Variants in LIN9 observed in about 807,000 individuals in gnomAD.
The protein encoded by LIN9 is lin-9 DREAM MuvB core complex component, also known as protein lin-9 homolog.
In LIN9, 18 loss-of-function variants were observed where a neutral mutation model predicts 78.0. The ratio of observed to expected loss-of-function variants is 0.23; its 90% CI spans 0.16 to 0.34. LIN9 has a LOEUF of 0.34. Ranked by LOEUF, LIN9 falls within the 10% of genes least tolerant of loss-of-function variation. LIN9 has a pLI of 1.00. For synonymous variants in LIN9, 192 were observed against 215.2 expected (o/e 0.89, Z 0.94); for missense variants, 451 against 644.1 (o/e 0.70, Z 3.25).
chr1:226,277,688 G>A (rs1660755908), intron 7 of LIN9, 87 bp downstream of exon 7: 1 of 1,184,482 alleles, frequency 8.4e-7, no homozygotes, highest in Non-Finnish European at 1.2e-6. Flanking sequence ...AATTAAAAAT[G>A]AAATAAAATA....
At chr1:226,249,218 G>A (rs1299527661) in intron 11 of LIN9, among the ~76,000 whole-genome samples, 6 of 152,092 alleles carry the variant, frequency 3.9e-5, no homozygotes, top group South Asian at 2.1e-4. Context: ...AAAAGGCATC[G>A]AATATAAAGG....
rs1558164422 is a variant in LIN9 at position 226,252,318 on chromosome 1, A to AATG, written c.1039-1400_1039-1399insCAT. The stretch of plus-strand genomic sequence containing the variant: ...TAAATAAATAAATAAATAAATAAAT[A>AATG]AATGAATGAATGAATGAATGTCTCC... On this transcript the variant is annotated intron_variant, in intron 10 of 14. Transcript: ENST00000681046. Among the ~76,000 whole-genome samples the AATG allele has an allele frequency of 7.9e-3, 1,077 of 135,934 alleles. 12 individuals are homozygous for AATG. The highest frequency in any genetic ancestry group is 0.019 in the African/African-American group (672 of 35,330). The allele number at this position is 135,934 out of a possible 152,430, so 89.2% of individuals were successfully genotyped here. A position where few individuals can be genotyped will look rare whatever the true frequency, so the allele number is the denominator to read the frequency against.
At chr1:226,272,429 G>C (rs1660343606) in intron 7 of LIN9, among the ~76,000 whole-genome samples, 1 of 150,508 alleles carries the variant, frequency 6.6e-6, no homozygotes, top group Non-Finnish European at 1.5e-5. Context: ...ACCCAAACTG[G>C]AGTGCAGTGG....
intron 4 of LIN9, among the ~76,000 whole-genome samples, chr1:226,289,032 CT>C: frequency 6.6e-6 from 1 of 152,164 alleles, no homozygotes; most frequent in East Asian, 1.9e-4. Context: ...AGGTCAGGAG[CT>C]CCAGACAGCC....
rs754927514 is a variant in LIN9 at position 226,256,552 on chromosome 1, A to AAT, written c.1039-5635_1039-5634dup. On this transcript the variant is annotated intron_variant, in intron 10 of 14. Coordinates refer to ENST00000681046, the MANE Select transcript of LIN9 (RefSeq NM_001366245.2). ...TATCTCTACAATAATAAATAAAATA[A>AAT]ATATATATATATATATATTTTTTTG... Among the ~76,000 whole-genome samples, 697 of 146,790 alleles carry AAT rather than the reference A, an allele frequency of 4.7e-3. 4 individuals are homozygous for AAT. The highest frequency in any genetic ancestry group is 0.035 in the East Asian group (165 of 4,734).
intron 10 of LIN9, among the ~76,000 whole-genome samples, chr1:226,251,182 T>C (rs1658811758): frequency 6.6e-6 from 1 of 151,552 alleles, no homozygotes; most frequent in Admixed American, 6.6e-5. Flanking sequence ...GCCTCCCGAG[T>C]AGCAGGGATT....
chr1:226,256,868 A>AT (rs906697597), intron 10 of LIN9, among the ~76,000 whole-genome samples: 6 of 151,946 alleles, frequency 3.9e-5, no homozygotes, highest in South Asian at 4.2e-4. Flanking sequence ...ATAAAATAAA[A>AT]TTTTTTTTAA....
Position 226,232,295 on chromosome 1 carries a change from C to A in LIN9, c.*206G>T, listed in dbSNP as rs990299060. The A allele has an allele frequency of 1.5e-5, 6 of 412,856 alleles. No homozygotes were observed. The highest frequency in any genetic ancestry group is 5.8e-4 in the Middle Eastern group (1 of 1,724). The allele number at this position is 412,856 out of a possible 1,614,324, so 25.6% of individuals were successfully genotyped here. On this transcript the variant is annotated 3_prime_UTR_variant, in exon 15 of 15. Transcript: ENST00000681046. Reference sequence around the variant, plus strand: ...ATATGTAACATAAGCAATGCTACTGCATCTGAATAATAAAAGAAAAATAAA... The same window carrying A: ...ATATGTAACATAAGCAATGCTACTGAATCTGAATAATAAAAGAAAAATAAA...
chr1:226,238,942 A>C (rs78039379), intron 12 of LIN9, 29 bp downstream of exon 12: 2 of 1,590,264 alleles, frequency 1.3e-6, no homozygotes, highest in South Asian at 1.1e-5. Context: ...AAATACAAAT[A>C]TGGAGGGAAA....
chr1:226,251,033 A>C (rs1025331208), intron 10 of LIN9, 114 bp from the exon 11 acceptor site: 3 of 583,630 alleles, frequency 5.1e-6, no homozygotes, highest in Non-Finnish European at 6.0e-6. Flanking sequence ...TTAGTGTTTC[A>C]ACATATATAT....
At chr1:226,248,120 C>T (rs1658602174) in intron 11 of LIN9, among the ~76,000 whole-genome samples, 1 of 152,182 alleles carries the variant, frequency 6.6e-6, no homozygotes, top group Non-Finnish European at 1.5e-5. Context: ...CTTAACTTTC[C>T]CCAAATAGTA....
chr1:226,275,792 CAGA>C (rs1488792071), intron 7 of LIN9, among the ~76,000 whole-genome samples: 2 of 151,600 alleles, frequency 1.3e-5, no homozygotes, highest in African/African-American at 4.9e-5. Flanking sequence ...CCGAGGTGGA[CAGA>C]AGATCACTTG....
chr1:226,275,294 T>C (rs1458593481), intron 7 of LIN9, among the ~76,000 whole-genome samples: 1 of 152,204 alleles, frequency 6.6e-6, no homozygotes, highest in African/African-American at 2.4e-5. Context: ...TATTCTTAGC[T>C]CACAAACTAT....
In LIN9 at chr1:226,289,844, G is replaced by T. The variant is rs1260626843; in HGVS notation, c.265-2047C>A. Among the ~76,000 whole-genome samples, 9 of 60,672 alleles carry T rather than the reference G, an allele frequency of 1.5e-4. 1 individual carries two copies. Among genetic ancestry groups the T allele is most frequent in the Non-Finnish European group, 2.1e-4 (6 of 28,254 alleles). The allele number at this position is 60,672 out of a possible 152,430, so 39.8% of individuals were successfully genotyped here. A position where few individuals can be genotyped will look rare whatever the true frequency, so the allele number is the denominator to read the frequency against. On this transcript the variant is annotated intron_variant, in intron 4 of 14. Transcript: ENST00000681046. ...AACTAAGTAGTCCTCCGGGGGGGGG[G>T]GTGGGGGGGGGTGGGAAAGCTAGGT...
At chr1:226,289,457 G>A (rs957424945) in intron 4 of LIN9, among the ~76,000 whole-genome samples, 3 of 151,860 alleles carry the variant, frequency 2.0e-5, no homozygotes, top group African/African-American at 7.3e-5. Context: ...TGACCTCCTG[G>A]GCTCAAGCCA....
At chr1:226,281,686 T>C (rs1382501061) in intron 6 of LIN9, among the ~76,000 whole-genome samples, 3 of 151,906 alleles carry the variant, frequency 2.0e-5, no homozygotes, top group East Asian at 3.9e-4. Flanking sequence ...TTGACAATTT[T>C]TTTTTCTTTT....
At chr1:226,236,818 T>C (rs1227829179) in intron 12 of LIN9, among the ~76,000 whole-genome samples, 1 of 152,218 alleles carries the variant, frequency 6.6e-6, no homozygotes, top group Non-Finnish European at 1.5e-5. Context: ...TGAGTTGTAG[T>C]CGAGTTCATT....
At chr1:226,298,606 A>C (rs2102665082) in intron 2 of LIN9, among the ~76,000 whole-genome samples, 1 of 152,380 alleles carries the variant, frequency 6.6e-6, no homozygotes, top group East Asian at 1.9e-4. Context: ...CATGCCTATA[A>C]TTCCAGGACT....
intron 10 of LIN9, among the ~76,000 whole-genome samples, chr1:226,252,318 A>AAATAAATAAATGAATG (rs377430075): frequency 1.5e-5 from 2 of 135,920 alleles, no homozygotes; most frequent in Admixed American, 7.6e-5. Flanking sequence ...ATAAATAAAT[A>AAATAAATAAATGAATG]AATGAATGAA....
Sources: gnomAD v4.1 joint callset for allele counts (sites outside exome capture counted in the v4.1 genomes callset) on GRCh38, gnomAD v4.1.1 for gene constraint, MANE v1.5 for transcripts, NCBI Gene and HGNC (gene_info 2026-07-23, HGNC 2026-07-21) for gene names.